The following SP100 variants were observed in gnomAD, a reference collection of about 807,000 sequenced individuals.
SP100 encodes the protein nuclear autoantigen Sp-100.
SP100 carries 84 observed loss-of-function variants against 130.0 expected under a neutral mutation model. The observed-to-expected ratio is 0.65, with a 90% CI of 0.54 to 0.77. SP100 has a LOEUF of 0.77. Ranked by LOEUF, SP100 falls within the 30% of genes least tolerant of loss-of-function variation. The pLI is 0.00. For missense variants in SP100, 978 were observed against 1,052.2 expected (o/e 0.93, Z 0.97); for synonymous variants, 331 against 351.7 (o/e 0.94, Z 0.66).
intron 24 of SP100, among the ~76,000 whole-genome samples, chr2:230,537,430 C>G (rs986889141): frequency 6.6e-6 from 1 of 152,192 alleles, no homozygotes; most frequent in African/African-American, 2.4e-5. Flanking sequence ...AGTAGTCAAA[C>G]AGCTCTCATC....
intron 24 of SP100, among the ~76,000 whole-genome samples, chr2:230,513,108 C>T (rs1383394837): frequency 6.6e-6 from 1 of 152,200 alleles, no homozygotes; most frequent in Non-Finnish European, 1.5e-5. Flanking sequence ...TCCTAACAGG[C>T]CATGAGTTGG....
intron 19 of SP100, among the ~76,000 whole-genome samples, chr2:230,501,660 G>T (rs1649893): frequency 0.17 from 25,712 of 152,054 alleles, 2,520 homozygotes; most frequent in Non-Finnish European, 0.22. Context: ...ATCTGGAGGA[G>T]TTTTTCTCCT....
At position 230,466,201 on chromosome 2, in the gene SP100, A is replaced by AAAAAC. The variant is rs35220862; in HGVS notation, c.1142-98_1142-97insAACAA. 2.2e-3 allele frequency: 1,276 copies of AAAAAC among 575,334 alleles called. 13 individuals carry two copies. The highest frequency in any genetic ancestry group is 7.5e-3 in the East Asian group (232 of 30,946). 35.6% of individuals were successfully genotyped at this position (575,334 alleles called of 1,614,324 possible). A position where few individuals can be genotyped will look rare whatever the true frequency, so the allele number is the denominator to read the frequency against. On this transcript the variant is annotated intron_variant, in intron 11 of 28. Coordinates refer to ENST00000340126, the MANE Select transcript of SP100 (RefSeq NM_001080391.2). ...CTCCATCTCAAAAAAAAAAAAAAAA[A>AAAAAC]AACTTTGTTATTAACCCAAGCCCAT...
rs986448002 is a variant in SP100 at position 230,505,402 on chromosome 2, T to C, written c.1871-901T>C. Among the ~76,000 whole-genome samples the C allele has an allele frequency of 2.6e-5, 4 of 152,180 alleles. 1 individual carries two copies. Among genetic ancestry groups the C allele is most frequent in the Non-Finnish European group, 5.9e-5 (4 of 68,026 alleles). ...CCATAACATCTGTTTAGCCTTCTGC[T>C]AAATGGTAAGATCACAGGGTTTAGA... On this transcript the variant is annotated intron_variant, in intron 21 of 28. Coordinates refer to ENST00000340126, the MANE Select transcript of SP100 (RefSeq NM_001080391.2).
intron 2 of SP100, among the ~76,000 whole-genome samples, chr2:230,423,156 T>C (rs1225999753): frequency 6.6e-6 from 1 of 152,208 alleles, no homozygotes; most frequent in Non-Finnish European, 1.5e-5. Flanking sequence ...AGAAAGCAGA[T>C]TAGTGAAGCT....
chr2:230,437,202 C>A (rs1042353771), intron 2 of SP100, among the ~76,000 whole-genome samples: 9 of 152,108 alleles, frequency 5.9e-5, no homozygotes, highest in African/African-American at 2.2e-4. Context: ...TAAACCCATT[C>A]ATGAATAGGT....
intron 12 of SP100, among the ~76,000 whole-genome samples, chr2:230,466,690 G>A (rs368627514): frequency 8.3e-4 from 127 of 152,160 alleles, no homozygotes; most frequent in Admixed American, 1.4e-3. Context: ...AGTTCTTCAG[G>A]GAAGCAGGCA....
chr2:230,524,689 G>T (rs1325675200), intron 24 of SP100, among the ~76,000 whole-genome samples: 1 of 152,166 alleles, frequency 6.6e-6, no homozygotes, highest in Non-Finnish European at 1.5e-5. Flanking sequence ...CATTTTGGAT[G>T]CTCATTGGTT....
At chr2:230,438,417 G>C (rs1174329993) in intron 2 of SP100, among the ~76,000 whole-genome samples, 2 of 151,842 alleles carry the variant, frequency 1.3e-5, no homozygotes, top group African/African-American at 4.8e-5. Context: ...TCTTTTATCT[G>C]TCACTCCCCT....
Position 230,431,420 on chromosome 2 carries a change from A to G in SP100, c.108-11517A>G, listed in dbSNP as rs934444638. ...AGCCTGGGGTAGGAGCAACACAGTC[A>G]AAGTGAATCCATTCCTCTTACCCCT... On this transcript the variant is annotated intron_variant, in intron 2 of 28. Coordinates refer to ENST00000340126, the MANE Select transcript of SP100 (RefSeq NM_001080391.2). Among the ~76,000 whole-genome samples, 8 of 152,222 alleles carry G rather than the reference A, an allele frequency of 5.3e-5. No individual in the cohort carries two copies. The South Asian group carries it at 8.3e-4, about 16-fold the overall frequency.
At chr2:230,420,727 A>G (rs974209681) in intron 2 of SP100, among the ~76,000 whole-genome samples, 4 of 149,578 alleles carry the variant, frequency 2.7e-5, no homozygotes, top group Non-Finnish European at 4.5e-5. Flanking sequence ...AATTTCACCA[A>G]AGTAAAACAT....
chr2:230,521,114 C>CTG (rs921518502), intron 24 of SP100, among the ~76,000 whole-genome samples: 36 of 152,192 alleles, frequency 2.4e-4, no homozygotes, highest in African/African-American at 4.8e-5. Flanking sequence ...TTAAATTAAA[C>CTG]TGTCAAAAGT....
chr2:230,430,076 A>G (rs2063052123), intron 2 of SP100, among the ~76,000 whole-genome samples: 1 of 152,210 alleles, frequency 6.6e-6, no homozygotes, highest in East Asian at 1.9e-4. Flanking sequence ...TGAGGAAACA[A>G]TAACCTCTTC....
intron 17 of SP100, among the ~76,000 whole-genome samples, chr2:230,491,137 CAA>C (rs1015326240): frequency 1.1e-4 from 16 of 152,210 alleles, no homozygotes; most frequent in Non-Finnish European, 5.9e-5. Flanking sequence ...GGTCTTTTTA[CAA>C]AGTCCCATAT....
At chr2:230,510,918 T>C in intron 23 of SP100, 1 of 595,994 alleles carries the variant, frequency 1.7e-6, no homozygotes, top group Non-Finnish European at 3.0e-6. Context: ...AGCCAGGAAA[T>C]GGCACTTGCA....
chr2:230,449,582 G>A lies in SP100; in HGVS notation c.608G>A (p.Gly203Glu). ...TTAGGTACAACCCCACCTGAAAATG[G>A]ACTCTCAGAGCACCCCTGTGAAACA... is the stretch of plus-strand genomic sequence containing the variant. ...SHAGTTPPEN[G>E]LSEHPCETEQ... The change falls in exon 7 of 29, where the codon GGA (glycine) becomes GAA (glutamate). Residue 203 changes from glycine to glutamate, a missense_variant. Gly to Glu is a moderately conservative substitution (Grantham distance 98). Transcript: ENST00000340126. The A allele has an allele frequency of 3.1e-6, 5 of 1,614,080 alleles. No individual in the cohort carries two copies. Among genetic ancestry groups the A allele is most frequent in the Non-Finnish European group, 4.2e-6 (5 of 1,180,002 alleles).
chr2:230,502,285 GGTTA>G (rs2150064746), intron 19 of SP100, among the ~76,000 whole-genome samples: 1 of 152,194 alleles, frequency 6.6e-6, no homozygotes, highest in Non-Finnish European at 1.5e-5. Context: ...GCCTTCATTG[GGTTA>G]GTTTTTAAGT....
Position 230,543,139 on chromosome 2 carries a change from C to A in SP100, c.*193C>A. On this transcript the variant is annotated 3_prime_UTR_variant, in exon 29 of 29. Coordinates refer to ENST00000340126, the MANE Select transcript of SP100 (RefSeq NM_001080391.2). ...CTTCATGTTAAAAATTCTCAATAAGCTAGGTATTGAGGAACATATCCCAAA... is the reference window on the plus strand; with the variant it reads ...CTTCATGTTAAAAATTCTCAATAAGATAGGTATTGAGGAACATATCCCAAA... 2.6e-6 allele frequency: 1 copy of A among 382,754 alleles called. No individual in the cohort carries two copies. 23.7% of individuals were successfully genotyped at this position (382,754 alleles called of 1,614,324 possible).
intron 24 of SP100, chr2:230,515,116 C>G (rs1408714286): frequency 1.2e-6 from 2 of 1,612,958 alleles, no homozygotes; most frequent in Admixed American, 3.3e-5. Context: ...GAAGAAGAAC[C>G]CAGATGCTTC....
Sources: allele counts gnomAD v4.1 joint callset (sites outside exome capture counted in the v4.1 genomes callset), GRCh38; gene constraint gnomAD v4.1.1; transcripts MANE v1.5; gene names NCBI Gene and HGNC (gene_info 2026-07-23, HGNC 2026-07-21).